The following ERC2 variants were observed in gnomAD, a reference collection of about 807,000 sequenced individuals.
The protein encoded by ERC2 is ERC protein 2.
A neutral mutation model predicts 114.8 loss-of-function variants in ERC2; 42 were observed. The observed-to-expected ratio is 0.37, with a 90% CI of 0.29 to 0.47. ERC2 has a LOEUF of 0.47. ERC2 is among the 20% of genes least tolerant of loss of function. ERC2 has a pLI of 0.99. For synonymous variants in ERC2, 454 were observed against 425.5 expected, an observed-to-expected ratio of 1.07 and a Z score of -0.82; for missense variants, 939 against 1,150.7, an observed-to-expected ratio of 0.82 and a Z score of 2.66.
chr3:55,891,873 C>T (rs1242781048), intron 13 of ERC2, among the ~76,000 whole-genome samples: 1 of 152,208 alleles, frequency 6.6e-6, no homozygotes, highest in Non-Finnish European at 1.5e-5. Context: ...TCCCTTCTTG[C>T]CAAATGTCTT....
chr3:56,214,358 G>T (rs539803260), intron 3 of ERC2, among the ~76,000 whole-genome samples: 9 of 150,034 alleles, frequency 6.0e-5, no homozygotes, highest in Non-Finnish European at 1.2e-4. Context: ...ACAAGCTTCA[G>T]TAGCTGATTC....
intron 13 of ERC2, among the ~76,000 whole-genome samples, chr3:55,915,911 A>T (rs2065065487): frequency 6.6e-6 from 1 of 152,236 alleles, no homozygotes; most frequent in Non-Finnish European, 1.5e-5. Flanking sequence ...TCTTTAAAAA[A>T]TGATTACAGA....
At chr3:56,248,120 T>C (rs1482445171) in intron 3 of ERC2, among the ~76,000 whole-genome samples, 1 of 152,190 alleles carries the variant, frequency 6.6e-6, no homozygotes, top group Non-Finnish European at 1.5e-5. Flanking sequence ...GACAGAGTCT[T>C]GCTCCGTTGC....
intron 17 of ERC2, among the ~76,000 whole-genome samples, chr3:55,626,410 A>G (rs993865675): frequency 2.0e-5 from 3 of 152,200 alleles, no homozygotes; most frequent in African/African-American, 7.2e-5. Flanking sequence ...TAACTTCCCT[A>G]AGTCCGCTAA....
rs112026266 is a variant in ERC2 at position 56,138,540 on chromosome 3, G to C, written c.1473+969C>G. Among the ~76,000 whole-genome samples, 399 of 152,096 alleles carry C rather than the reference G, an allele frequency of 2.6e-3. 2 individuals are homozygous for C. Among genetic ancestry groups the C allele is most frequent in the African/African-American group, 9.2e-3 (383 of 41,460 alleles). On this transcript the variant is annotated intron_variant, in intron 6 of 17. Transcript: ENST00000288221. ...TTTTCTTCCGCCTCTGGACACTGTC[G>C]TGCACCTTGACTGAAAGCACAGATC...
intron 15 of ERC2, among the ~76,000 whole-genome samples, chr3:55,714,667 GTA>G (rs59969304): frequency 5.2e-4 from 46 of 88,550 alleles, no homozygotes; most frequent in African/African-American, 1.8e-3. Context: ...GTGTGTGTGT[GTA>G]TATATATATA....
At chr3:56,270,182 G>C (rs201724753) in intron 3 of ERC2, among the ~76,000 whole-genome samples, 28 of 117,096 alleles carry the variant, frequency 2.4e-4, no homozygotes, top group Admixed American at 1.9e-4. Context: ...AAAAAAAAAA[G>C]AAAGAAAAAC....
At chr3:56,201,608 A>G (rs948641620) in intron 3 of ERC2, among the ~76,000 whole-genome samples, 2 of 152,328 alleles carry the variant, frequency 1.3e-5, no homozygotes, top group Non-Finnish European at 2.9e-5. Flanking sequence ...CTGTTTATAC[A>G]TATGCAGCCC....
chr3:56,168,170 T>A (rs1216061842), intron 4 of ERC2, among the ~76,000 whole-genome samples: 1 of 152,212 alleles, frequency 6.6e-6, no homozygotes, highest in Non-Finnish European at 1.5e-5. Flanking sequence ...AGGTTGCTTA[T>A]CCTCTCTAAC....
At chr3:56,430,194 A>T (rs769010004) in intron 2 of ERC2, among the ~76,000 whole-genome samples, 2 of 152,206 alleles carry the variant, frequency 1.3e-5, no homozygotes, top group Non-Finnish European at 2.9e-5. Flanking sequence ...AATTACCTTG[A>T]TAGATGCAAT....
chr3:55,725,724 C>A (rs534006586), intron 15 of ERC2, among the ~76,000 whole-genome samples: 1 of 152,330 alleles, frequency 6.6e-6, no homozygotes, highest in Non-Finnish European at 1.5e-5. Flanking sequence ...AAGTGAGAGA[C>A]TCACACAGTT....
rs185967776 is a variant in ERC2, at chr3:56,061,744, T to C, written c.1641+19073A>G. Reference sequence around the variant, plus strand: ...ATAGCAAATAACATATATTTCCTTATGACAATTGCCATGTTTACCAGAAAT... The same window carrying C: ...ATAGCAAATAACATATATTTCCTTACGACAATTGCCATGTTTACCAGAAAT... On this transcript the variant is annotated intron_variant, in intron 7 of 17. Coordinates refer to ENST00000288221, the MANE Select transcript of ERC2 (RefSeq NM_015576.3). Among the ~76,000 whole-genome samples the C allele has an allele frequency of 8.9e-4, 135 of 152,346 alleles. No homozygotes were observed. The East Asian group carries it at 0.024, about 27-fold the overall frequency.
intron 13 of ERC2, among the ~76,000 whole-genome samples, chr3:55,931,381 A>C (rs2066073641): frequency 6.6e-6 from 1 of 152,264 alleles, no homozygotes; most frequent in African/African-American, 2.4e-5. Flanking sequence ...GACTGGATAA[A>C]GAAAACATGG....
chr3:55,750,522 G>A (rs2148965538), intron 14 of ERC2, among the ~76,000 whole-genome samples: 1 of 152,240 alleles, frequency 6.6e-6, no homozygotes, highest in Non-Finnish European at 1.5e-5. Context: ...TGTCCCTTTG[G>A]TCCGGGATGA....
chr3:55,995,907 A>T (rs1484677865), intron 10 of ERC2, among the ~76,000 whole-genome samples: 1 of 152,206 alleles, frequency 6.6e-6, no homozygotes, highest in Non-Finnish European at 1.5e-5. Flanking sequence ...TCCTCCAAAA[A>T]TGGAATGAAA....
chr3:56,043,839 G>C (rs1442963702), intron 7 of ERC2, among the ~76,000 whole-genome samples: 1 of 151,912 alleles, frequency 6.6e-6, no homozygotes, highest in African/African-American at 2.4e-5. Context: ...TCTAATCTTT[G>C]ACTATTTAAA....
intron 17 of ERC2, among the ~76,000 whole-genome samples, chr3:55,640,728 G>A (rs1397939601): frequency 6.6e-6 from 1 of 152,184 alleles, no homozygotes; most frequent in Non-Finnish European, 1.5e-5. Context: ...ATGGAGTCCT[G>A]TGTAGCTCAG....
At chr3:55,769,879 T>C (rs918369784) in intron 14 of ERC2, among the ~76,000 whole-genome samples, 14 of 152,172 alleles carry the variant, frequency 9.2e-5, no homozygotes. Context: ...AGAAGGTTCT[T>C]GTGGCAGATC....
chr3:55,725,358 A>C (rs1320979504), intron 15 of ERC2, among the ~76,000 whole-genome samples: 2 of 152,208 alleles, frequency 1.3e-5, no homozygotes, highest in East Asian at 3.8e-4. Flanking sequence ...TAAAACCCTA[A>C]GAGAAAGTAT....
Sources: gnomAD v4.1 joint callset for allele counts (sites outside exome capture counted in the v4.1 genomes callset) on GRCh38, gnomAD v4.1.1 for gene constraint, MANE v1.5 for transcripts, NCBI Gene and HGNC (gene_info 2026-07-23, HGNC 2026-07-21) for gene names.